The following EBF1 variants were observed in gnomAD, a reference collection of about 807,000 sequenced individuals.
EBF1 encodes the protein transcription factor COE1.
Under a neutral mutation model 68.4 loss-of-function variants are expected in EBF1, and 10 were observed. The ratio of observed to expected loss-of-function variants is 0.15; its 90% CI spans 0.09 to 0.25. EBF1 has a LOEUF of 0.25. Among genes scored for constraint, EBF1 ranks in the 10% least tolerant of loss-of-function variants. The pLI is 1.00. For missense variants in EBF1, 509 were observed against 794.4 expected (o/e 0.64, Z 4.32); for synonymous variants, 298 against 299.8 (o/e 0.99, Z 0.06).
In EBF1 at chr5:158,959,043, C is replaced by CAAAAT. The variant is rs751000448; in HGVS notation, c.554+114348_554+114352dup. 5.3e-4 allele frequency among the ~76,000 whole-genome samples: 80 copies of CAAAAT among 152,118 alleles called. 1 individual carries two copies. Among genetic ancestry groups the CAAAAT allele is most frequent in the Middle Eastern group, 3.4e-3 (1 of 294 alleles). On this transcript the variant is annotated intron_variant, in intron 6 of 15. Coordinates refer to ENST00000313708, the MANE Select transcript of EBF1 (RefSeq NM_024007.5). ...TTTTGTGCATCATATCAAGGTAATT[C>CAAAAT]AAAATTCTAGTGAGAGGAGGGATTA...
chr5:158,985,164 A>G (rs973154248), intron 6 of EBF1, among the ~76,000 whole-genome samples: 1 of 152,220 alleles, frequency 6.6e-6, no homozygotes, highest in East Asian at 1.9e-4. Flanking sequence ...AGATATGGCA[A>G]TAGTCATGAA....
rs928204583 is a variant in EBF1 at position 158,934,207 on chromosome 5, C to G, written c.555-94097G>C. On this transcript the variant is annotated intron_variant, in intron 6 of 15. Coordinates refer to ENST00000313708, the MANE Select transcript of EBF1 (RefSeq NM_024007.5). ...CCTGAATGACTTATGGGAGCCGAAT[C>G]TCACTTTAGAACCATGTGTCATTTA... 7.9e-5 allele frequency among the ~76,000 whole-genome samples: 12 copies of G among 152,306 alleles called. No individual in the cohort carries two copies. The East Asian group carries it at 2.3e-3, about 29-fold the overall frequency.
intron 6 of EBF1, among the ~76,000 whole-genome samples, chr5:158,929,887 T>C (rs1006355388): frequency 6.6e-6 from 1 of 152,218 alleles, no homozygotes; most frequent in Non-Finnish European, 1.5e-5. Flanking sequence ...GATTTATCAC[T>C]AGAAAATGCA....
At chr5:158,898,843 C>G (rs1802695076) in intron 6 of EBF1, among the ~76,000 whole-genome samples, 1 of 152,208 alleles carries the variant, frequency 6.6e-6, no homozygotes, top group Non-Finnish European at 1.5e-5. Flanking sequence ...GAAAGACTGC[C>G]TGAGGTGGTG....
chr5:158,808,013 A>G (rs1244583234), intron 8 of EBF1, among the ~76,000 whole-genome samples: 1 of 152,106 alleles, frequency 6.6e-6, no homozygotes, highest in Non-Finnish European at 1.5e-5. Context: ...ATTTCAGTGA[A>G]CTTTCATTAT....
intron 6 of EBF1, among the ~76,000 whole-genome samples, chr5:158,899,217 T>C (rs188299011): frequency 1.8e-4 from 27 of 152,368 alleles, no homozygotes; most frequent in African/African-American, 6.3e-4. Flanking sequence ...TTAAAGCACG[T>C]ACACTAGTAC....
At chr5:158,920,928 T>C (rs971768269) in intron 6 of EBF1, among the ~76,000 whole-genome samples, 1 of 152,220 alleles carries the variant, frequency 6.6e-6, no homozygotes, top group Non-Finnish European at 1.5e-5. Flanking sequence ...TGCCTAAAAA[T>C]CTGCATGTTG....
At chr5:158,927,455 G>A (rs1809932917) in intron 6 of EBF1, among the ~76,000 whole-genome samples, 1 of 152,164 alleles carries the variant, frequency 6.6e-6, no homozygotes, top group Non-Finnish European at 1.5e-5. Context: ...TATGAGCAGA[G>A]CTTGGGCTGG....
chr5:158,717,751 TCAGA>T (rs1761072246), intron 11 of EBF1, among the ~76,000 whole-genome samples: 2 of 152,028 alleles, frequency 1.3e-5, no homozygotes, highest in Admixed American at 1.3e-4. Flanking sequence ...ACATTCTGAG[TCAGA>T]CAATTTTTCT....
intron 6 of EBF1, among the ~76,000 whole-genome samples, chr5:158,933,856 G>T (rs1380744070): frequency 6.6e-6 from 1 of 152,162 alleles, no homozygotes. Flanking sequence ...GAACCCAAAT[G>T]AATAAATTGA....
At chr5:158,742,421 A>G (rs187713696) in intron 10 of EBF1, among the ~76,000 whole-genome samples, 8 of 152,232 alleles carry the variant, frequency 5.3e-5, no homozygotes, top group Admixed American at 5.2e-4. Flanking sequence ...TGTAAAGTGA[A>G]GATTTAATGT....
intron 6 of EBF1, among the ~76,000 whole-genome samples, chr5:158,888,714 T>A (rs576138377): frequency 6.6e-6 from 1 of 152,272 alleles, no homozygotes; most frequent in Non-Finnish European, 1.5e-5. Flanking sequence ...TGTGTCTCGA[T>A]ATGAATTTAC....
intron 6 of EBF1, among the ~76,000 whole-genome samples, chr5:158,865,523 T>C (rs1795723689): frequency 6.6e-6 from 1 of 152,228 alleles, no homozygotes; most frequent in African/African-American, 2.4e-5. Context: ...GTTAAGCTAG[T>C]ACAAATTTGA....
At chr5:159,018,094 C>T (rs528307561) in intron 6 of EBF1, among the ~76,000 whole-genome samples, 5 of 152,222 alleles carry the variant, frequency 3.3e-5, no homozygotes, top group African/African-American at 1.2e-4. Context: ...CTCTCTCTCC[C>T]TCACACTGGA....
At chr5:159,090,914 C>T (rs748771967) in intron 4 of EBF1, among the ~76,000 whole-genome samples, 15 of 152,132 alleles carry the variant, frequency 9.9e-5, no homozygotes, top group Non-Finnish European at 1.9e-4. Flanking sequence ...ATTTAATTCT[C>T]ACAACGGAGC....
chr5:158,774,373 A>G (rs1324519243), intron 10 of EBF1, among the ~76,000 whole-genome samples: 1 of 151,344 alleles, frequency 6.6e-6, no homozygotes, highest in Admixed American at 6.6e-5. Flanking sequence ...AATGTTATGG[A>G]CTTTTAGAGA....
At chr5:158,790,429 G>A (rs969132504) in intron 9 of EBF1, among the ~76,000 whole-genome samples, 69 of 151,920 alleles carry the variant, frequency 4.5e-4, no homozygotes, top group Admixed American at 1.3e-4. Context: ...TTCATGACTT[G>A]GCTCCATTAA....
intron 7 of EBF1, among the ~76,000 whole-genome samples, chr5:158,834,472 C>G (rs1788284567): frequency 6.6e-6 from 1 of 151,524 alleles, no homozygotes; most frequent in Non-Finnish European, 1.5e-5. Flanking sequence ...CTAACTACAG[C>G]CTAGGGATTT....
intron 1 of EBF1, among the ~76,000 whole-genome samples, chr5:159,098,651 TG>T (rs1323241005): frequency 1.5e-5 from 2 of 130,924 alleles, no homozygotes; most frequent in African/African-American, 2.9e-5. Context: ...TAAGGGAAGG[TG>T]GGGGAAAGAA....
Sources: gnomAD v4.1 joint callset for allele counts (sites outside exome capture counted in the v4.1 genomes callset) on GRCh38, gnomAD v4.1.1 for gene constraint, MANE v1.5 for transcripts, NCBI Gene and HGNC (gene_info 2026-07-23, HGNC 2026-07-21) for gene names.